The following KIF26B variants were observed in gnomAD, a reference collection of about 807,000 sequenced individuals.
KIF26B encodes kinesin-like protein KIF26B.
In KIF26B, 63 loss-of-function variants were observed where a neutral mutation model predicts 151.2. That is an observed-to-expected ratio of 0.42 (90% confidence interval 0.34 to 0.51). The LOEUF (loss-of-function observed/expected upper bound fraction) is 0.51, where lower values mean the gene tolerates loss of function less well. Among genes scored for constraint, KIF26B ranks in the 20% least tolerant of loss-of-function variants. The pLI is 0.07. For missense variants in KIF26B, 2,813 were observed against 2,913.6 expected (o/e 0.97, Z 0.79); for synonymous variants, 1,357 against 1,262.1 (o/e 1.08, Z -1.59).
At chr1:245,400,814 A>G (rs2103026819) in intron 3 of KIF26B, among the ~76,000 whole-genome samples, 1 of 152,260 alleles carries the variant, frequency 6.6e-6, no homozygotes, top group Non-Finnish European at 1.5e-5. Context: ...GCTACTAGAA[A>G]ACCCCAAATT....
intron 2 of KIF26B, among the ~76,000 whole-genome samples, chr1:245,347,752 C>G (rs1672483221): frequency 1.3e-5 from 2 of 152,228 alleles, no homozygotes; most frequent in Admixed American, 1.3e-4. Context: ...CAATCAAAAG[C>G]TCTTATGAAG....
chr1:245,441,779 A>G (rs1410695338), intron 4 of KIF26B, among the ~76,000 whole-genome samples: 3 of 152,264 alleles, frequency 2.0e-5, no homozygotes, highest in Admixed American at 1.3e-4. Context: ...CCCTGGAATT[A>G]TACAGCTGTT....
chr1:245,678,150 T>C (rs1043824217), intron 10 of KIF26B, among the ~76,000 whole-genome samples: 5 of 152,096 alleles, frequency 3.3e-5, no homozygotes, highest in Non-Finnish European at 5.9e-5. Context: ...AGGAGGATAT[T>C]TGAACAGTCA....
chr1:245,357,481 C>T (rs614289), intron 2 of KIF26B, among the ~76,000 whole-genome samples: 36,049 of 151,942 alleles, frequency 0.24, 5,505 homozygotes, highest in Admixed American at 0.34. Context: ...AAGAGCGGGG[C>T]CTTAGGATGA....
chr1:245,609,668 T>A, intron 8 of KIF26B, 140 bp downstream of exon 8: 1 of 900,468 alleles, frequency 1.1e-6, no homozygotes, highest in Non-Finnish European at 1.6e-6. Flanking sequence ...TGGAACTTTA[T>A]GGCCTGCAGC....
At chr1:245,337,806 C>G (rs574727078) in intron 2 of KIF26B, among the ~76,000 whole-genome samples, 1 of 152,210 alleles carries the variant, frequency 6.6e-6, no homozygotes, top group South Asian at 2.1e-4. Context: ...TCCAGAAGAC[C>G]ATGCAGTGGC....
rs1322976564 is a variant in KIF26B, at chr1:245,237,216, A to G, written c.465+80533A>G. 2.0e-5 allele frequency among the ~76,000 whole-genome samples: 3 copies of G among 152,176 alleles called. No individual in the cohort carries two copies. The East Asian group carries it at 5.8e-4, about 29-fold the overall frequency. The stretch of plus-strand genomic sequence containing the variant: ...GTCCTTTGCTAAATGAGGGCTAGAC[A>G]GATGTAACTTACAGCTCTGTCTCAT... On this transcript the variant is annotated intron_variant, in intron 2 of 14. Transcript: ENST00000407071.
chr1:245,155,589 C>G (rs1233744679), intron 1 of KIF26B, 102 bp downstream of exon 1: 3 of 1,064,248 alleles, frequency 2.8e-6, no homozygotes, highest in Admixed American at 2.8e-5. Context: ...AGCTCTCCCC[C>G]GCTGCAGAGG....
chr1:245,394,753 C>CGAT (rs1193475136), intron 3 of KIF26B, among the ~76,000 whole-genome samples: 1 of 136,846 alleles, frequency 7.3e-6, no homozygotes, highest in Non-Finnish European at 1.5e-5. Context: ...TGCAATGGCA[C>CGAT]GATCTCGGCT....
At chr1:245,615,725 G>C (rs926302235) in intron 9 of KIF26B, among the ~76,000 whole-genome samples, 1 of 152,228 alleles carries the variant, frequency 6.6e-6, no homozygotes, top group African/African-American at 2.4e-5. Context: ...AACAAAGAAG[G>C]GGAAGGAGTC....
intron 6 of KIF26B, among the ~76,000 whole-genome samples, chr1:245,605,240 C>T (rs1273029487): frequency 6.6e-6 from 1 of 151,922 alleles, no homozygotes; most frequent in Non-Finnish European, 1.5e-5. Flanking sequence ...AAGTGCTCAA[C>T]AAATGCGGCT....
At chr1:245,196,041 G>A (rs1458525377) in intron 2 of KIF26B, among the ~76,000 whole-genome samples, 1 of 152,192 alleles carries the variant, frequency 6.6e-6, no homozygotes, top group Non-Finnish European at 1.5e-5. Context: ...ATGTCCTTCT[G>A]TGGCAGGAGG....
chr1:245,223,451 G>A (rs940380275), intron 2 of KIF26B, among the ~76,000 whole-genome samples: 13 of 152,176 alleles, frequency 8.5e-5, no homozygotes, highest in Admixed American at 6.5e-4. Flanking sequence ...ACTCCTGTCA[G>A]GACAGAGGAC....
chr1:245,189,700 G>A (rs1280917468), intron 2 of KIF26B, among the ~76,000 whole-genome samples: 2 of 152,310 alleles, frequency 1.3e-5, no homozygotes, highest in South Asian at 2.1e-4. Flanking sequence ...GAGGAGACCT[G>A]TCCTCTCTAG....
rs938173895 is a variant in KIF26B at position 245,688,125 on chromosome 1, C to T, written c.5142C>T (p.Ala1714=). 8.2e-6 allele frequency: 13 copies of T among 1,579,024 alleles called. No individual in the cohort carries two copies. The highest frequency in any genetic ancestry group is 3.5e-5 in the Admixed American group (2 of 56,618). The change falls in exon 12 of 15, where the codon GCC becomes GCT. Residue 1714 remains alanine, a synonymous_variant. Coordinates refer to ENST00000407071, the MANE Select transcript of KIF26B (RefSeq NM_018012.4). ...CGGGGAGGAGCCTGGGCCGCAGCGC[C>T]GGGACCTCGCCCCCCAGCTCCGGGG... ...PRAGRSLGRS[A]GTSPPSSGAS...
rs144717057 is a variant in KIF26B at position 245,686,349 on chromosome 1, C to T, written c.3366C>T (p.Pro1122=). The change falls in exon 12 of 15, where the codon CCC becomes CCT. Residue 1122 remains proline (P), a synonymous_variant. Transcript: ENST00000407071. The surrounding 1 kb of genome is among the most constrained non-coding windows in gnomAD (Gnocchi z 5.6). ...GVASRESLLQ[P]EVRTPPVGMS... ...CGTCTAGGGAGTCCTTGCTGCAGCC[C>T]GAGGTGCGTACGCCCCCGGTTGGAA... 35 of 1,613,302 alleles carry T rather than the reference C, an allele frequency of 2.2e-5. No homozygotes were observed. The highest frequency in any genetic ancestry group is 6.7e-5 in the African/African-American group (5 of 75,046).
At chr1:245,461,013 A>G (rs1659635427) in intron 4 of KIF26B, among the ~76,000 whole-genome samples, 2 of 152,230 alleles carry the variant, frequency 1.3e-5, no homozygotes, top group African/African-American at 4.8e-5. Context: ...GGAGGGCTGC[A>G]GAGGACCCAG....
intron 4 of KIF26B, among the ~76,000 whole-genome samples, chr1:245,433,440 C>G (rs1658828365): frequency 6.8e-6 from 1 of 147,186 alleles, no homozygotes; most frequent in African/African-American, 2.5e-5. Flanking sequence ...GCCCTCCAGC[C>G]TGGGTGACAC....
At chr1:245,568,010 C>T (rs1379181480) in intron 5 of KIF26B, among the ~76,000 whole-genome samples, 1 of 151,614 alleles carries the variant, frequency 6.6e-6, no homozygotes, top group Non-Finnish European at 1.5e-5. Context: ...ATGGCAAAAC[C>T]CCGTCTCTAC....
Sources: allele counts gnomAD v4.1 joint callset (sites outside exome capture counted in the v4.1 genomes callset), GRCh38; gene constraint gnomAD v4.1.1; non-coding constraint Gnocchi (gnomAD v3.1); transcripts MANE v1.5; gene names NCBI Gene and HGNC (gene_info 2026-07-23, HGNC 2026-07-21).